SYTL5: variants seen among roughly 807,000 people sequenced by gnomAD.
SYTL5 encodes synaptotagmin-like protein 5.
In SYTL5, 34 loss-of-function variants were observed where a neutral mutation model predicts 55.9. That is an observed-to-expected ratio of 0.61 (90% confidence interval 0.46 to 0.81). The LOEUF (loss-of-function observed/expected upper bound fraction) is 0.81. Ranked by LOEUF, SYTL5 falls within the 30% of genes least tolerant of loss-of-function variation. SYTL5 has a pLI of 0.00. For synonymous variants in SYTL5, 221 were observed against 188.7 expected (o/e 1.17, Z -1.40); for missense variants, 637 against 546.7 (o/e 1.17, Z -1.65).
At chrX:38,125,170 A>G in intron 15 of SYTL5, 128 bp from the exon 16 acceptor site, 1 of 529,589 alleles carries the variant, frequency 1.9e-6, no homozygotes, top group African/African-American at 2.3e-5. Flanking sequence ...TCAGTTCACT[A>G]TATAAATCCA....
At chrX:37,987,530 A>G in the SYTL5 span, among the ~76,000 whole-genome samples, 1 of 112,364 alleles carries the variant, frequency 8.9e-6, no homozygotes, top group African/African-American at 3.2e-5. Flanking sequence ...TTTGCTTAAC[A>G]TTGAATATCC....
chrX:38,060,243 G>T (rs368259882), intron 3 of SYTL5, among the ~76,000 whole-genome samples: 1 of 111,538 alleles, frequency 9.0e-6, no homozygotes, highest in Admixed American at 9.5e-5. Context: ...CACTCATACC[G>T]CTCTCCTACA....
chrX:38,037,828 A>AGATAGAT (rs981270063), intron 2 of SYTL5, among the ~76,000 whole-genome samples: 2 of 111,246 alleles, frequency 1.8e-5, no homozygotes, highest in African/African-American at 6.5e-5. Flanking sequence ...ATAGATAGAT[A>AGATAGAT]GATAGATAAA....
the SYTL5 span, among the ~76,000 whole-genome samples, chrX:37,928,183 G>A: frequency 8.9e-6 from 1 of 112,228 alleles, no homozygotes; most frequent in African/African-American, 3.2e-5. Context: ...GCCCATGCAT[G>A]GGGGCTGTAT....
At chrX:37,953,133 AAAAT>A in the SYTL5 span, among the ~76,000 whole-genome samples, 3 of 111,228 alleles carry the variant, frequency 2.7e-5, no homozygotes, top group African/African-American at 6.5e-5. Context: ...CTCTGTCTAA[AAAAT>A]AAATAAATTA....
rs986100293 is a variant in SYTL5 at position 38,088,208 on chromosome X, T to C, written c.690-1238T>C. On this transcript the variant is annotated intron_variant, in intron 6 of 16. Coordinates refer to ENST00000297875, the MANE Select transcript of SYTL5 (RefSeq NM_138780.3). ...GTTCTATCCAATGGTCATTGCCTAT[T>C]CTTCTGCCTGATTTATCTTCTAGTA... 2.7e-5 allele frequency among the ~76,000 whole-genome samples: 3 copies of C among 111,834 alleles called. No homozygotes were observed. In the Admixed American group the frequency reaches 2.8e-4, roughly 11 times the overall value.
chrX:38,037,934 G>A (rs189296830), intron 2 of SYTL5, among the ~76,000 whole-genome samples: 1 of 111,182 alleles, frequency 9.0e-6, no homozygotes, highest in African/African-American at 3.3e-5. Context: ...GAGTCCAAAG[G>A]CTGAGAACCG....
At chrX:37,957,389 TCTG>T in the SYTL5 span, among the ~76,000 whole-genome samples, 166 of 112,127 alleles carry the variant, frequency 1.5e-3, no homozygotes, top group African/African-American at 5.3e-3. Flanking sequence ...TGCTGTGTTT[TCTG>T]CTAAGAGTTT....
the SYTL5 span, among the ~76,000 whole-genome samples, chrX:37,899,165 A>G: frequency 1.8e-5 from 2 of 111,957 alleles, no homozygotes; most frequent in Middle Eastern, 4.7e-3. Context: ...AAGAAAAAGC[A>G]TTAATCTATT....
At chrX:38,010,898 C>T (rs780590322) in intron 1 of SYTL5, among the ~76,000 whole-genome samples, 28 of 112,151 alleles carry the variant, frequency 2.5e-4, no homozygotes, top group Non-Finnish European at 3.4e-4. Flanking sequence ...TTAATCTTCA[C>T]AAGAACCTCA....
the SYTL5 span, among the ~76,000 whole-genome samples, chrX:37,891,453 G>A: frequency 8.9e-6 from 1 of 111,920 alleles, no homozygotes; most frequent in East Asian, 2.8e-4. Context: ...AAGTAGATTA[G>A]TGCTTGCCTA....
At chrX:37,941,942 T>G in the SYTL5 span, among the ~76,000 whole-genome samples, 4 of 112,259 alleles carry the variant, frequency 3.6e-5, no homozygotes, top group Non-Finnish European at 7.5e-5. Context: ...ATCTTAGCCA[T>G]TCCCTTACTG....
intron 6 of SYTL5, among the ~76,000 whole-genome samples, chrX:38,083,774 A>ATG (rs3068306): frequency 0.019 from 1,746 of 94,268 alleles, 25 homozygotes; most frequent in African/African-American, 0.049. Flanking sequence ...AAATAGACTC[A>ATG]TGTGTGTGTG....
At chrX:37,949,303 C>T in the SYTL5 span, 3 of 111,827 alleles carry the variant, frequency 2.7e-5, no homozygotes, top group African/African-American at 9.7e-5. Context: ...AGCAACCATT[C>T]AAAGAACAAA....
At chrX:37,902,435 T>A in the SYTL5 span, among the ~76,000 whole-genome samples, 5 of 112,161 alleles carry the variant, frequency 4.5e-5, no homozygotes, top group African/African-American at 1.6e-4. Flanking sequence ...TATATTATTT[T>A]AAAAAAATTG....
intron 6 of SYTL5, among the ~76,000 whole-genome samples, chrX:38,089,026 G>A (rs1288384850): frequency 1.8e-5 from 2 of 112,285 alleles, no homozygotes; most frequent in Non-Finnish European, 3.8e-5. Flanking sequence ...GGGAAGGCTG[G>A]ACTTCATTTG....
At chrX:37,979,797 A>T in the SYTL5 span, among the ~76,000 whole-genome samples, 1 of 105,667 alleles carries the variant, frequency 9.5e-6, no homozygotes, top group Non-Finnish European at 2.0e-5. Context: ...TTCTTTTTTT[A>T]AATTTTCTTT....
chrX:37,946,484 AT>A, the SYTL5 span: 1 of 242,704 alleles, frequency 4.1e-6, no homozygotes, highest in Admixed American at 4.8e-5. Context: ...TTGGAACTGG[AT>A]TTTTCATTGG....
Position 38,096,206 on chromosome X carries a change from G to A in SYTL5, c.1034G>A (p.Ser345Asn), listed in dbSNP as rs752315612. ...TCAGAGGATACTGTAAGCATAAGAAGCAAGTCTGTCCCTGGGGCTTTAGAC... is the reference window on the plus strand; with the variant it reads ...TCAGAGGATACTGTAAGCATAAGAAACAAGTCTGTCCCTGGGGCTTTAGAC... ...EDSEDTVSIR[S>N]KSVPGALDKD... The change falls in exon 9 of 17, where the codon AGC becomes AAC. Residue 345 changes from serine to asparagine, a missense_variant. Ser to Asn is a conservative substitution (Grantham distance 46). Transcript: ENST00000297875. The A allele has an allele frequency of 5.1e-6, 6 of 1,185,873 alleles. No individual in the cohort carries two copies. Among genetic ancestry groups the A allele is most frequent in the Non-Finnish European group, 3.4e-6 (3 of 876,073 alleles).
Sources: allele counts gnomAD v4.1 joint callset (sites outside exome capture counted in the v4.1 genomes callset), GRCh38; gene constraint gnomAD v4.1.1; transcripts MANE v1.5; gene names NCBI Gene and HGNC (gene_info 2026-07-23, HGNC 2026-07-21).